Variants in SH3RF3 observed in about 807,000 individuals in gnomAD.
The protein encoded by SH3RF3 is SH3 domain containing ring finger 3.
Under a neutral mutation model 66.3 loss-of-function variants are expected in SH3RF3, and 29 were observed. That is an observed-to-expected ratio of 0.44 (90% CI 0.33 to 0.60). The LOEUF (loss-of-function observed/expected upper bound fraction) is 0.60, where lower values mean the gene tolerates loss of function less well. SH3RF3 is among the 20% of genes least tolerant of loss of function. SH3RF3 has a pLI of 0.04. For synonymous variants in SH3RF3, 583 were observed against 532.0 expected (o/e 1.10, Z -1.32); for missense variants, 1,194 against 1,190.9 (o/e 1.00, Z -0.04).
chr2:109,401,953 GA>G (rs1324704110), intron 4 of SH3RF3, among the ~76,000 whole-genome samples: 1 of 152,224 alleles, frequency 6.6e-6, no homozygotes, highest in African/African-American at 2.4e-5. Context: ...AGTTCGACTT[GA>G]AGCGAAAGTC....
intron 7 of SH3RF3, among the ~76,000 whole-genome samples, chr2:109,442,654 A>G (rs1396699562): frequency 1.3e-5 from 2 of 152,222 alleles, no homozygotes; most frequent in Admixed American, 6.5e-5. Context: ...ATGTTATGAA[A>G]TCATTTGTAA....
intron 1 of SH3RF3, among the ~76,000 whole-genome samples, chr2:109,316,482 C>T (rs76845405): frequency 0.31 from 47,375 of 151,996 alleles, 9,138 homozygotes; most frequent in African/African-American, 0.55. Context: ...AACAAGGTAG[C>T]CCATGACATG....
chr2:109,369,510 C>G (rs1476601766), intron 2 of SH3RF3, among the ~76,000 whole-genome samples: 1 of 152,054 alleles, frequency 6.6e-6, no homozygotes, highest in African/African-American at 2.4e-5. Flanking sequence ...CCTATAATGT[C>G]AGTTGGAAAA....
At chr2:109,334,004 G>A (rs1238666023) in intron 1 of SH3RF3, among the ~76,000 whole-genome samples, 1 of 152,152 alleles carries the variant, frequency 6.6e-6, no homozygotes, top group Non-Finnish European at 1.5e-5. Context: ...AAGTGGGCAG[G>A]TTTCTAAGAC....
At chr2:109,331,480 G>C (rs1233985036) in intron 1 of SH3RF3, among the ~76,000 whole-genome samples, 2 of 152,074 alleles carry the variant, frequency 1.3e-5, no homozygotes, top group East Asian at 3.9e-4. Context: ...AAACCTCAGG[G>C]CTCCCGCGTC....
chr2:109,182,984 C>T (rs1017689023), intron 1 of SH3RF3, among the ~76,000 whole-genome samples: 1 of 152,106 alleles, frequency 6.6e-6, no homozygotes, highest in Non-Finnish European at 1.5e-5. Context: ...TTTGGGTCTC[C>T]TAACAGGTTT....
intron 8 of SH3RF3, among the ~76,000 whole-genome samples, chr2:109,451,657 C>T (rs879421634): frequency 2.6e-5 from 4 of 152,250 alleles, no homozygotes; most frequent in South Asian, 4.1e-4. Context: ...GTAAATATTT[C>T]GCTTTCTCTT....
At chr2:109,223,772 C>A (rs1435064035) in intron 1 of SH3RF3, among the ~76,000 whole-genome samples, 3 of 152,186 alleles carry the variant, frequency 2.0e-5, no homozygotes, top group African/African-American at 4.8e-5. Flanking sequence ...GCCATCCCTG[C>A]TAGTCTCTGC....
chr2:109,133,136 C>T (rs1395007447), intron 1 of SH3RF3, among the ~76,000 whole-genome samples: 1 of 152,136 alleles, frequency 6.6e-6, no homozygotes, highest in Non-Finnish European at 1.5e-5. Flanking sequence ...AGAAGGTACC[C>T]GTGGGCACTG....
intron 3 of SH3RF3, among the ~76,000 whole-genome samples, chr2:109,397,754 C>T (rs1284644871): frequency 6.6e-6 from 1 of 152,230 alleles, no homozygotes; most frequent in Non-Finnish European, 1.5e-5. Context: ...CCAGGTGATG[C>T]CGCAGCCCTG....
intron 1 of SH3RF3, among the ~76,000 whole-genome samples, chr2:109,138,836 C>T (rs1407262511): frequency 1.3e-5 from 2 of 152,206 alleles, no homozygotes; most frequent in African/African-American, 4.8e-5. Context: ...GTACTGACTG[C>T]CCACCCTGTT....
At chr2:109,404,443 C>T (rs895237576) in intron 4 of SH3RF3, among the ~76,000 whole-genome samples, 2 of 152,202 alleles carry the variant, frequency 1.3e-5, no homozygotes, top group African/African-American at 4.8e-5. Flanking sequence ...GACTGGGAGT[C>T]TCAGCAGCCA....
intron 1 of SH3RF3, among the ~76,000 whole-genome samples, chr2:109,326,096 A>G (rs566634623): frequency 1.6e-3 from 247 of 152,360 alleles, no homozygotes; most frequent in African/African-American, 5.4e-3. Context: ...CCACCATGGT[A>G]AAACATTTAA....
chr2:109,175,537 C>A lies in SH3RF3; in HGVS notation c.573+45424C>A, dbSNP rs1167532160. On this transcript the variant is annotated intron_variant, in intron 1 of 9. Coordinates refer to ENST00000309415, the MANE Select transcript of SH3RF3 (RefSeq NM_001099289.3). ...AGCAAACAAGGATGAGCTCATGGCT[C>A]CCCTGAATGAGACCAGCACTGTGGC... Among the ~76,000 whole-genome samples the A allele has an allele frequency of 3.9e-5, 6 of 152,200 alleles. No homozygotes were observed. In the East Asian group the frequency reaches 9.6e-4, roughly 24 times the overall value.
At chr2:109,270,024 C>A (rs907586015) in intron 1 of SH3RF3, among the ~76,000 whole-genome samples, 2 of 152,284 alleles carry the variant, frequency 1.3e-5, no homozygotes, top group Admixed American at 6.5e-5. Context: ...TAATAGATTG[C>A]GATTGAAGCC....
At chr2:109,311,983 G>A (rs1559016881) in intron 1 of SH3RF3, among the ~76,000 whole-genome samples, 1 of 152,096 alleles carries the variant, frequency 6.6e-6, no homozygotes, top group Non-Finnish European at 1.5e-5. Context: ...GTGTGGTGGT[G>A]AGGTCGGCTG....
chr2:109,248,243 A>G (rs1679968318), intron 1 of SH3RF3, among the ~76,000 whole-genome samples: 1 of 152,228 alleles, frequency 6.6e-6, no homozygotes, highest in African/African-American at 2.4e-5. Context: ...TACTTTTAAT[A>G]AACAAGGTCA....
At chr2:109,473,212 C>T (rs1021589290) in intron 8 of SH3RF3, among the ~76,000 whole-genome samples, 1 of 152,198 alleles carries the variant, frequency 6.6e-6, no homozygotes, top group Non-Finnish European at 1.5e-5. Flanking sequence ...GACATACGAG[C>T]GCCTCACACA....
intron 9 of SH3RF3, among the ~76,000 whole-genome samples, chr2:109,493,289 ACACACCATG>A (rs1679178448): frequency 1.2e-5 from 1 of 84,960 alleles, no homozygotes; most frequent in African/African-American, 4.1e-5. Flanking sequence ...CCATAGAAAC[ACACACCATG>A]CACACCATGC....
Sources: allele counts gnomAD v4.1 joint callset (sites outside exome capture counted in the v4.1 genomes callset), GRCh38; gene constraint gnomAD v4.1.1; transcripts MANE v1.5; gene names NCBI Gene and HGNC (gene_info 2026-07-23, HGNC 2026-07-21).